SLC35D2: variants seen among roughly 807,000 people sequenced by gnomAD.
SLC35D2 encodes the protein nucleotide sugar transporter SLC35D2.
SLC35D2 carries 43 observed loss-of-function variants against 41.8 expected under a neutral mutation model. That is an observed-to-expected ratio of 1.03 (90% confidence interval 0.81 to 1.33). SLC35D2 has a LOEUF of 1.33. Among genes scored for constraint, SLC35D2 ranks in the 40% most tolerant of loss-of-function variants. The probability of loss-of-function intolerance (pLI) is 0.00; values close to 1 mark genes in which losing one functional copy is unlikely to be tolerated. For synonymous variants in SLC35D2, 150 were observed against 163.9 expected, an observed-to-expected ratio of 0.92 and a Z score of 0.65; for missense variants, 380 against 408.4, an observed-to-expected ratio of 0.93 and a Z score of 0.60.
intron 4 of SLC35D2, among the ~76,000 whole-genome samples, chr9:96,354,255 G>A (rs1829928977): frequency 6.6e-6 from 1 of 152,148 alleles, no homozygotes; most frequent in African/African-American, 2.4e-5. Flanking sequence ...CACTGTATTT[G>A]AGGTTCTAGA....
At chr9:96,360,095 T>C in intron 4 of SLC35D2, 59 bp downstream of exon 4, 1 of 1,273,794 alleles carries the variant, frequency 7.9e-7, no homozygotes, top group Non-Finnish European at 1.1e-6. Flanking sequence ...TCTTGGTCTT[T>C]GTACCACTGG....
At chr9:96,366,139 C>T (rs992937557) in intron 2 of SLC35D2, among the ~76,000 whole-genome samples, 1 of 151,660 alleles carries the variant, frequency 6.6e-6, no homozygotes, top group Non-Finnish European at 1.5e-5. Context: ...CCTATCTCTA[C>T]AAAAAATACA....
At chr9:96,382,496 C>CACACTCTATATATATATATATATATATA (rs200897475) in intron 1 of SLC35D2, among the ~76,000 whole-genome samples, 3 of 127,912 alleles carry the variant, frequency 2.3e-5, no homozygotes, top group African/African-American at 5.9e-5. Flanking sequence ...CACACACACA[C>CACACTCTATATATATATATATATATATA]TATATATATA....
At chr9:96,372,018 G>A (rs987899428) in intron 1 of SLC35D2, among the ~76,000 whole-genome samples, 5 of 152,072 alleles carry the variant, frequency 3.3e-5, no homozygotes, top group Non-Finnish European at 2.9e-5. Context: ...GAGCCACCGC[G>A]CCCAGCCTGG....
At chr9:96,326,270 G>A (rs1828522268) in intron 9 of SLC35D2, among the ~76,000 whole-genome samples, 1 of 152,164 alleles carries the variant, frequency 6.6e-6, no homozygotes, top group South Asian at 2.1e-4. Flanking sequence ...TGGAATTGCT[G>A]AAGAAAAAGT....
chr9:96,333,594 CAAAAAAA>C (rs573718212), intron 9 of SLC35D2, among the ~76,000 whole-genome samples: 100 of 68,754 alleles, frequency 1.5e-3, no homozygotes, highest in Admixed American at 3.4e-3. Flanking sequence ...GACTCCGTCT[CAAAAAAA>C]AAAAAAAAAA....
At position 96,382,466 on chromosome 9, in the gene SLC35D2, TACACAC is replaced by T. The variant is rs35402465; in HGVS notation, c.158+1005_158+1010del. ...GAAACCTTGTCTCAAAAAAATATTA[TACACAC>T]ACACACACACACACACACACACACT... On this transcript the variant is annotated intron_variant, in intron 1 of 11. Coordinates refer to ENST00000253270, the MANE Select transcript of SLC35D2 (RefSeq NM_007001.3). Among the ~76,000 whole-genome samples, 949 of 133,050 alleles carry T rather than the reference TACACAC, an allele frequency of 7.1e-3. 7 individuals carry two copies. The highest frequency in any genetic ancestry group is 0.022 in the South Asian group (91 of 4,078). 87.3% of individuals were successfully genotyped at this position (133,050 alleles called of 152,430 possible).
chr9:96,338,415 A>G (rs1177592617), intron 8 of SLC35D2, among the ~76,000 whole-genome samples: 1 of 152,040 alleles, frequency 6.6e-6, no homozygotes, highest in Non-Finnish European at 1.5e-5. Context: ...TTAGCTGGGC[A>G]TGGTGGTGTG....
intron 5 of SLC35D2, among the ~76,000 whole-genome samples, chr9:96,351,412 T>C (rs919139005): frequency 3.9e-5 from 6 of 151,972 alleles, no homozygotes; most frequent in Non-Finnish European, 8.8e-5. Flanking sequence ...ACTAGAGAGA[T>C]ACTGGGACAA....
chr9:96,333,539 G>C (rs1441248497), intron 9 of SLC35D2, among the ~76,000 whole-genome samples: 2 of 149,182 alleles, frequency 1.3e-5, no homozygotes, highest in Non-Finnish European at 3.0e-5. Context: ...TGCGTGCAGT[G>C]AGCCAAGATC....
chr9:96,320,493 G>A (rs1450278209), downstream of SLC35D2, among the ~76,000 whole-genome samples: 1 of 150,024 alleles, frequency 6.7e-6, no homozygotes, highest in African/African-American at 2.5e-5. Flanking sequence ...TCCAACATGG[G>A]GAATAGAGTG....
chr9:96,340,619 CAAAAAAAAAAAAAAA>C (rs57501812), intron 8 of SLC35D2, among the ~76,000 whole-genome samples: 7 of 35,384 alleles, frequency 2.0e-4, no homozygotes, highest in South Asian at 2.4e-3. Context: ...GACTCCATCT[CAAAAAAAAAAAAAAA>C]AAAAAAAAAA....
chr9:96,339,104 C>G (rs766492911), intron 8 of SLC35D2, among the ~76,000 whole-genome samples: 7 of 152,120 alleles, frequency 4.6e-5, no homozygotes, highest in Non-Finnish European at 1.0e-4. Flanking sequence ...TCTTCACCAA[C>G]CTAAATTTTG....
intron 3 of SLC35D2, 77 bp downstream of exon 3, chr9:96,364,387 G>A (rs1830398012): frequency 4.4e-6 from 4 of 905,146 alleles, no homozygotes; most frequent in Non-Finnish European, 7.2e-6. Context: ...AGTGTGTATA[G>A]AAATTGACCT....
chr9:96,370,555 G>A (rs764665724), intron 1 of SLC35D2, among the ~76,000 whole-genome samples: 1 of 152,146 alleles, frequency 6.6e-6, no homozygotes, highest in Non-Finnish European at 1.5e-5. Context: ...TACTTGGGAG[G>A]CTGAGGCATG....
Position 96,322,008 on chromosome 9 carries a change from A to AC in SLC35D2, c.903dup (p.Leu302ValfsTer23). The AC allele has an allele frequency of 1.9e-6, 3 of 1,589,260 alleles. No individual in the cohort carries two copies. Among genetic ancestry groups the AC allele is most frequent in the Non-Finnish European group, 2.6e-6 (3 of 1,158,442 alleles). On this transcript the variant is annotated frameshift_variant, in exon 11 of 12. Coordinates refer to ENST00000253270, the MANE Select transcript of SLC35D2 (RefSeq NM_007001.3). LOFTEE classifies it low-confidence loss of function (END_TRUNC). Reference sequence around the variant, plus strand: ...AAAATTCCCACTCACCAAATATTTAACCCTACAAAGTTTAACAAAGAGAAA... The same window carrying AC: ...AAAATTCCCACTCACCAAATATTTAACCCCTACAAAGTTTAACAAAGAGAAA...
intron 6 of SLC35D2, 64 bp from the exon 7 acceptor site, chr9:96,345,465 G>A (rs938438617): frequency 1.9e-5 from 17 of 894,502 alleles, no homozygotes; most frequent in Non-Finnish European, 2.8e-5. Context: ...CTCCAAGCCC[G>A]CCTGATCTAC....
At chr9:96,377,453 G>A (rs1211818057) in intron 1 of SLC35D2, among the ~76,000 whole-genome samples, 2 of 152,166 alleles carry the variant, frequency 1.3e-5, no homozygotes, top group African/African-American at 4.8e-5. Context: ...AACCCTGACA[G>A]TGCCAATAAA....
chr9:96,334,194 G>A (rs1242901378), intron 9 of SLC35D2, among the ~76,000 whole-genome samples: 1 of 152,156 alleles, frequency 6.6e-6, no homozygotes, highest in African/African-American at 2.4e-5. Context: ...AAACTCTAGG[G>A]GGAGGAGGGG....
Sources: gnomAD v4.1 joint callset for allele counts (sites outside exome capture counted in the v4.1 genomes callset) on GRCh38, gnomAD v4.1.1 for gene constraint, MANE v1.5 for transcripts, NCBI Gene and HGNC (gene_info 2026-07-23, HGNC 2026-07-21) for gene names.